Variants in POLR1D observed in about 807,000 individuals in gnomAD.
POLR1D encodes the protein RNA polymerase I and III subunit D, also known as DNA-directed RNA polymerases I and III subunit RPAC2.
In POLR1D, 8 loss-of-function variants were observed where a neutral mutation model predicts 10.8. The observed-to-expected ratio is 0.74, with a 90% CI of 0.43 to 1.33. The LOEUF (loss-of-function observed/expected upper bound fraction) is 1.33, where lower values mean the gene tolerates loss of function less well. POLR1D is among the 40% of genes most tolerant of loss of function. POLR1D has a pLI of 0.01. For missense variants in POLR1D, 152 were observed against 161.7 expected (o/e 0.94, Z 0.32); for synonymous variants, 54 against 57.2 (o/e 0.94, Z 0.25).
chr13:27,654,054 A>G (rs1447831497), intron 2 of POLR1D, among the ~76,000 whole-genome samples: 1 of 152,236 alleles, frequency 6.6e-6, no homozygotes, highest in Non-Finnish European at 1.5e-5. Context: ...CGCTCCTTAC[A>G]GAGCAAGAAC....
chr13:27,660,008 G>A (rs1032116733), intron 2 of POLR1D, among the ~76,000 whole-genome samples: 2 of 151,910 alleles, frequency 1.3e-5, no homozygotes, highest in East Asian at 1.9e-4. Context: ...CAATGTTGGA[G>A]ACAGTCATTG....
chr13:27,631,847 AC>A (rs1330873949), intron 1 of POLR1D, among the ~76,000 whole-genome samples: 1 of 152,180 alleles, frequency 6.6e-6, no homozygotes, highest in Non-Finnish European at 1.5e-5. Context: ...AGGAAGAAGG[AC>A]TGATGATTTA....
At chr13:27,658,740 G>A (rs941141379) in intron 2 of POLR1D, among the ~76,000 whole-genome samples, 5 of 152,152 alleles carry the variant, frequency 3.3e-5, no homozygotes, top group Non-Finnish European at 7.4e-5. Context: ...AGATGCTTTA[G>A]GAGAAGCTGA....
intron 2 of POLR1D, chr13:27,650,384 A>G (rs2138558161): frequency 4.3e-6 from 1 of 233,452 alleles, no homozygotes; most frequent in Non-Finnish European, 8.3e-6. Flanking sequence ...TGATGGATGG[A>G]TGGATGGATG....
chr13:27,630,888 T>G (rs1168099025), intron 1 of POLR1D, among the ~76,000 whole-genome samples: 3 of 152,138 alleles, frequency 2.0e-5, no homozygotes, highest in African/African-American at 7.2e-5. Context: ...CACCCTGCTG[T>G]CTACCCAAAG....
intron 1 of POLR1D, among the ~76,000 whole-genome samples, chr13:27,632,350 G>GT (rs956607872): frequency 2.6e-5 from 4 of 152,172 alleles, no homozygotes; most frequent in Non-Finnish European, 4.4e-5. Flanking sequence ...AAGGTATGCT[G>GT]TTTTTTCAAT....
downstream of POLR1D, chr13:27,623,519 A>G (rs1593275964): frequency 2.8e-5 from 13 of 456,628 alleles, 1 homozygote; most frequent in South Asian, 2.5e-4. Context: ...TAATTAAGCC[A>G]GCATTGAAAA....
At chr13:27,621,257 G>A (rs1955911843), upstream of POLR1D, 2 of 152,388 alleles carry the variant, frequency 1.3e-5, no homozygotes, top group African/African-American at 2.4e-5. Context: ...AGGACGGAAA[G>A]GATAAGGTGG....
At chr13:27,665,691 A>C in exon 3 of POLR1D, 2 of 1,613,850 alleles carry the variant, frequency 1.2e-6, no homozygotes, top group Non-Finnish European at 1.7e-6. Flanking sequence ...CCCAGGATGA[A>C]GTGTCCTCTT....
At chr13:27,664,210 T>C (rs1326286442) in intron 2 of POLR1D, among the ~76,000 whole-genome samples, 1 of 152,184 alleles carries the variant, frequency 6.6e-6, no homozygotes, top group Non-Finnish European at 1.5e-5. Flanking sequence ...TAGAAATGTC[T>C]TTACCTTGAG....
At chr13:27,644,985 T>C (rs1956205518) in intron 1 of POLR1D, among the ~76,000 whole-genome samples, 1 of 152,212 alleles carries the variant, frequency 6.6e-6, no homozygotes, top group South Asian at 2.1e-4. Context: ...GCTACAGTAA[T>C]GGGGAAGTTG....
chr13:27,633,856 C>G lies in POLR1D; in HGVS notation c.26+11847C>G, dbSNP rs140301238. ...AAGTCCCGGAGCTTGGAATACTTAACAAGGGGTTTGTGTTGCTGTTGTTGT... is the reference window on the plus strand; with the variant it reads ...AAGTCCCGGAGCTTGGAATACTTAAGAAGGGGTTTGTGTTGCTGTTGTTGT... On this transcript the variant is annotated intron_variant, in intron 1 of 2. Transcript: ENST00000399697. Among the ~76,000 whole-genome samples, 304 of 152,258 alleles carry G rather than the reference C, an allele frequency of 2.0e-3. 1 individual carries two copies. Among genetic ancestry groups the G allele is most frequent in the Middle Eastern group, 6.8e-3 (2 of 294 alleles).
chr13:27,632,310 C>A (rs1166024543), intron 1 of POLR1D, among the ~76,000 whole-genome samples: 1 of 152,152 alleles, frequency 6.6e-6, no homozygotes, highest in Non-Finnish European at 1.5e-5. Flanking sequence ...TTTTGAGTAC[C>A]ATGAAGTGGA....
chr13:27,646,972 A>C (rs1211526619), intron 1 of POLR1D, among the ~76,000 whole-genome samples: 4 of 152,232 alleles, frequency 2.6e-5, no homozygotes, highest in Non-Finnish European at 5.9e-5. Flanking sequence ...TAGCATTATA[A>C]TAGTGTCATA....
In POLR1D at chr13:27,647,964, C is replaced by A. The variant is rs58447720; in HGVS notation, c.27-415C>A. 514 of 180,508 alleles carry A rather than the reference C, an allele frequency of 2.8e-3. 2 individuals are homozygous for A. Among genetic ancestry groups the A allele is most frequent in the African/African-American group, 0.012 (484 of 41,664 alleles). 11.2% of individuals were successfully genotyped at this position (180,508 alleles called of 1,614,324 possible). ...GAAGAAGTTATCCATTTCTCTACCC[C>A]CTCACTAACTAATGGGCAGAAACAT... On this transcript the variant is annotated intron_variant, in intron 1 of 2. Coordinates refer to the POLR1D transcript ENST00000399697.
downstream of POLR1D, among the ~76,000 whole-genome samples, chr13:27,627,971 C>T (rs1212548158): frequency 6.6e-6 from 1 of 152,088 alleles, no homozygotes; most frequent in Non-Finnish European, 1.5e-5. Flanking sequence ...CCCAAAGGCC[C>T]CATATCCAGG....
chr13:27,656,342 G>A (rs1956308175), intron 2 of POLR1D, among the ~76,000 whole-genome samples: 1 of 152,172 alleles, frequency 6.6e-6, no homozygotes, highest in African/African-American at 2.4e-5. Context: ...CCATATCTGT[G>A]TGTGTCTGTG....
At chr13:27,660,927 T>G (rs557941651) in intron 2 of POLR1D, 2 of 152,344 alleles carry the variant, frequency 1.3e-5, no homozygotes, top group South Asian at 2.1e-4. Context: ...TAATTGTGTC[T>G]TCAACGTACC....
intron 1 of POLR1D, chr13:27,648,195 C>G (rs932764910): frequency 4.0e-6 from 2 of 494,288 alleles, no homozygotes; most frequent in African/African-American, 2.0e-5. Flanking sequence ...TGTTGCTTCT[C>G]TTTATATTAA....
Sources: gnomAD v4.1 joint callset for allele counts (sites outside exome capture counted in the v4.1 genomes callset) on GRCh38, gnomAD v4.1.1 for gene constraint, MANE v1.5 for transcripts, NCBI Gene and HGNC (gene_info 2026-07-23, HGNC 2026-07-21) for gene names.